The following ACVR1C variants were observed in gnomAD, a reference collection of about 807,000 sequenced individuals.
ACVR1C encodes activin A receptor type 1C.
ACVR1C carries 23 observed loss-of-function variants against 57.9 expected under a neutral mutation model. The observed-to-expected ratio is 0.40, with a 90% CI of 0.29 to 0.56. The LOEUF is 0.56. ACVR1C is among the 20% of genes least tolerant of loss of function. The pLI, the probability that ACVR1C is intolerant of heterozygous loss-of-function variation, is 0.50. For synonymous variants in ACVR1C, 214 were observed against 215.3 expected, an observed-to-expected ratio of 0.99 and a Z score of 0.05; for missense variants, 480 against 607.9, an observed-to-expected ratio of 0.79 and a Z score of 2.21.
rs1192479685 is a variant in ACVR1C at position 157,628,819 on chromosome 2, C to T, written c.-175G>A. On this transcript the variant is annotated 5_prime_UTR_variant, in exon 1 of 9. It removes an upstream start codon present in the reference 5' UTR. Transcript: ENST00000243349. The stretch of plus-strand genomic sequence containing the variant: ...GGGCGCCCCCCTCCCCGGCCGCCCC[C>T]ATCCCACGCCCCCTGCGGCTGGCGG... 2.4e-6 allele frequency: 1 copy of T among 420,680 alleles called. No homozygotes were observed. The highest frequency in any genetic ancestry group is 4.1e-6 in the Non-Finnish European group (1 of 245,066). 26.1% of individuals were successfully genotyped at this position (420,680 alleles called of 1,614,324 possible). A position where few individuals can be genotyped will look rare whatever the true frequency, so the allele number is the denominator to read the frequency against.
chr2:157,544,918 C>T (rs552172482), intron 4 of ACVR1C, among the ~76,000 whole-genome samples: 102 of 152,262 alleles, frequency 6.7e-4, no homozygotes, highest in African/African-American at 2.3e-3. Flanking sequence ...ATAGTAACCA[C>T]ATTATAGGAG....
intron 1 of ACVR1C, among the ~76,000 whole-genome samples, chr2:157,610,813 G>C (rs1015885880): frequency 6.6e-6 from 1 of 151,866 alleles, no homozygotes; most frequent in Non-Finnish European, 1.5e-5. Flanking sequence ...TCTTCTGCTT[G>C]ATCTAGTCTT....
intron 3 of ACVR1C, among the ~76,000 whole-genome samples, chr2:157,554,227 G>GAAAGAA (rs1371484838): frequency 2.0e-5 from 2 of 101,864 alleles, no homozygotes; most frequent in African/African-American, 4.9e-5. Context: ...AAGAAAGAAA[G>GAAAGAA]AAAGAAAGAA....
At chr2:157,589,959 T>C (rs2105259501) in intron 1 of ACVR1C, among the ~76,000 whole-genome samples, 1 of 151,970 alleles carries the variant, frequency 6.6e-6, no homozygotes, top group East Asian at 1.9e-4. Flanking sequence ...TAAATGGTTC[T>C]TGGAAAAGTG....
chr2:157,628,502 C>T (rs1172029692), intron 1 of ACVR1C, 70 bp downstream of exon 1: 6 of 1,525,808 alleles, frequency 3.9e-6, no homozygotes, highest in South Asian at 1.2e-5. Context: ...TCCCCCACCC[C>T]CGTGCTCACC....
At chr2:157,564,484 G>A (rs757530688) in intron 2 of ACVR1C, among the ~76,000 whole-genome samples, 13 of 152,256 alleles carry the variant, frequency 8.5e-5, no homozygotes, top group East Asian at 1.9e-4. Context: ...TGGAGAAATC[G>A]GAACACTTTT....
At chr2:157,538,936 T>C (rs1189205673) in intron 7 of ACVR1C, among the ~76,000 whole-genome samples, 1 of 149,224 alleles carries the variant, frequency 6.7e-6, no homozygotes, top group Non-Finnish European at 1.5e-5. Context: ...ACTGTAAAAT[T>C]TATATAAGAT....
At chr2:157,535,826 G>C (rs181085872) in intron 8 of ACVR1C, among the ~76,000 whole-genome samples, 1 of 152,162 alleles carries the variant, frequency 6.6e-6, no homozygotes, top group Non-Finnish European at 1.5e-5. Flanking sequence ...CCATGGACTA[G>C]AGTTCAGGAG....
At chr2:157,546,170 A>T (rs1445394846) in intron 4 of ACVR1C, among the ~76,000 whole-genome samples, 1 of 152,208 alleles carries the variant, frequency 6.6e-6, no homozygotes, top group African/African-American at 2.4e-5. Context: ...CTTTGACAGC[A>T]CTGCTGATTA....
intron 1 of ACVR1C, among the ~76,000 whole-genome samples, chr2:157,589,909 C>T (rs1430804645): frequency 6.6e-6 from 1 of 151,864 alleles, no homozygotes; most frequent in Non-Finnish European, 1.5e-5. Context: ...TCCGACAAAG[C>T]ACACAAAAAC....
intron 3 of ACVR1C, among the ~76,000 whole-genome samples, chr2:157,554,202 A>AGAAAGAAAGAAAGAAAGAAAGAAG (rs1219519020): frequency 3.4e-5 from 1 of 29,802 alleles, no homozygotes; most frequent in Non-Finnish European, 7.2e-5. Flanking sequence ...TAAAGAAGAG[A>AGAAAGAAAGAAAGAAAGAAAGAAG]GAAAGAAAGA....
chr2:157,548,559 T>C (rs1236332334), intron 4 of ACVR1C, among the ~76,000 whole-genome samples: 3 of 151,318 alleles, frequency 2.0e-5, no homozygotes, highest in African/African-American at 2.4e-5. Context: ...CAAAACAGCA[T>C]GGTACTGGTA....
chr2:157,533,885 A>G lies in ACVR1C; in HGVS notation c.*33T>C. 6.6e-7 allele frequency: 1 copy of G among 1,511,278 alleles called. No individual in the cohort carries two copies. Among genetic ancestry groups the G allele is most frequent in the Non-Finnish European group, 8.8e-7 (1 of 1,134,394 alleles). 93.6% of individuals were successfully genotyped at this position (1,511,278 alleles called of 1,614,324 possible). A position where few individuals can be genotyped will look rare whatever the true frequency, so the allele number is the denominator to read the frequency against. On this transcript the variant is annotated 3_prime_UTR_variant, in exon 9 of 9. Transcript: ENST00000243349. ...AAAGGGGAAAATGGAAAAGAAAGCT[A>G]TGAGAGATTTCTTTTTAACATAATT... is the stretch of plus-strand genomic sequence containing the variant.
chr2:157,597,529 G>C, intron 1 of ACVR1C: 1 of 985,454 alleles, frequency 1.0e-6, no homozygotes, highest in African/African-American at 1.7e-5. Flanking sequence ...AGCTCCCGCG[G>C]GGCTCGGCCA....
intron 3 of ACVR1C, among the ~76,000 whole-genome samples, 198 bp from the exon 4 acceptor site, chr2:157,550,590 A>G (rs1355746754): frequency 1.3e-5 from 2 of 152,240 alleles, no homozygotes; most frequent in Non-Finnish European, 1.5e-5. Flanking sequence ...AATTATGAAT[A>G]TGAATTTGTC....
intron 2 of ACVR1C, among the ~76,000 whole-genome samples, chr2:157,578,480 T>C (rs1370282934): frequency 6.6e-6 from 1 of 152,198 alleles, no homozygotes; most frequent in Non-Finnish European, 1.5e-5. Flanking sequence ...ATATGATTAT[T>C]ACTGTTATTG....
intron 2 of ACVR1C, among the ~76,000 whole-genome samples, chr2:157,586,032 T>C (rs1245552767): frequency 6.6e-6 from 1 of 152,130 alleles, no homozygotes; most frequent in African/African-American, 2.4e-5. Context: ...CACTGAATCA[T>C]ATTATGATTC....
At position 157,538,721 on chromosome 2, in the gene ACVR1C, A is replaced by G; in HGVS notation, c.1226-18T>C. On this transcript the variant is annotated intron_variant, in intron 7 of 8. Coordinates refer to ENST00000243349, the MANE Select transcript of ACVR1C (RefSeq NM_145259.3). ...AACAATTCCTGTAAGAAATTTGTAT[A>G]ATAAATTTCCATGTGCAAATAATAA... The G allele has an allele frequency of 6.9e-7, 1 of 1,457,774 alleles. No homozygotes were observed. Among genetic ancestry groups the G allele is most frequent in the African/African-American group, 1.5e-5 (1 of 68,852 alleles). The allele number at this position is 1,457,774 out of a possible 1,614,324, so 90.3% of individuals were successfully genotyped here. A position where few individuals can be genotyped will look rare whatever the true frequency, so the allele number is the denominator to read the frequency against.
chr2:157,542,429 T>C (rs1465511640), intron 6 of ACVR1C, among the ~76,000 whole-genome samples: 1 of 152,114 alleles, frequency 6.6e-6, no homozygotes, highest in Non-Finnish European at 1.5e-5. Flanking sequence ...TCTCAGAAAA[T>C]GGCACACTAA....
Sources: allele counts gnomAD v4.1 joint callset (sites outside exome capture counted in the v4.1 genomes callset), GRCh38; gene constraint gnomAD v4.1.1; transcripts MANE v1.5; gene names NCBI Gene and HGNC (gene_info 2026-07-23, HGNC 2026-07-21).